The following RNF149 variants were observed in gnomAD, a reference collection of about 807,000 sequenced individuals.
RNF149 encodes E3 ubiquitin-protein ligase RNF149.
A neutral mutation model predicts 39.0 loss-of-function variants in RNF149; 21 were observed. The ratio of observed to expected loss-of-function variants is 0.54; its 90% CI spans 0.38 to 0.77. The LOEUF is 0.77. RNF149 is among the 30% of genes least tolerant of loss of function. RNF149 has a pLI of 0.00. For synonymous variants in RNF149, 209 were observed against 213.6 expected (o/e 0.98, Z 0.19); for missense variants, 493 against 534.9 (o/e 0.92, Z 0.77).
rs1053190151 is a variant in RNF149, at chr2:101,276,698, T to A, written c.*540A>T. On this transcript the variant is annotated 3_prime_UTR_variant, in exon 7 of 7. Transcript: ENST00000295317. ...TAAACAAAGAAAAAGTGCTCTCAGG[T>A]TTTGAAATCTTCACATACACTACAG... 12 of 985,490 alleles carry A rather than the reference T, an allele frequency of 1.2e-5. No homozygotes were observed. Among genetic ancestry groups the A allele is most frequent in the Non-Finnish European group, 1.4e-5 (12 of 829,994 alleles). The allele number at this position is 985,490 out of a possible 1,614,324, so 61.0% of individuals were successfully genotyped here.
At position 101,276,170 on chromosome 2, in the gene RNF149, C is replaced by G; in HGVS notation, c.*1068G>C. The G allele has an allele frequency of 1.0e-6, 1 of 979,194 alleles. No homozygotes were observed. The highest frequency in any genetic ancestry group is 1.2e-6 in the Non-Finnish European group (1 of 824,342). The allele number at this position is 979,194 out of a possible 1,614,324, so 60.7% of individuals were successfully genotyped here. A position where few individuals can be genotyped will look rare whatever the true frequency, so the allele number is the denominator to read the frequency against. ...GGAGCAAGGAAAGACTATAATTCCA[C>G]ACTCTAAAAAATAACTGCCTCATAC... is the stretch of plus-strand genomic sequence containing the variant. On this transcript the variant is annotated 3_prime_UTR_variant, in exon 7 of 7. Transcript: ENST00000295317.
At position 101,294,973 on chromosome 2, in the gene RNF149, A is replaced by G. The variant is rs1392029218; in HGVS notation, c.669T>C (p.Tyr223=). 1 of 1,613,598 alleles carries G rather than the reference A, an allele frequency of 6.2e-7. No individual in the cohort carries two copies. The highest frequency in any genetic ancestry group is 1.3e-5 in the African/African-American group (1 of 74,914). The change falls in exon 2 of 7, where the codon TAT becomes TAC. Residue 223 remains tyrosine, a synonymous_variant. Transcript: ENST00000295317. ...AGCCAGTATATAGGAAACGCTGTAT[A>G]TAGTAAAATATTAGCCAGGCTAACG... is the stretch of plus-strand genomic sequence containing the variant. The part of the protein sequence containing the change: ...IISLAWLIFY[Y]IQRFLYTGSQ...
intron 5 of RNF149, among the ~76,000 whole-genome samples, chr2:101,282,744 G>C (rs1246643237): frequency 6.6e-6 from 1 of 152,042 alleles, no homozygotes; most frequent in Non-Finnish European, 1.5e-5. Flanking sequence ...ATTAGATGAG[G>C]GGTTACTGCA....
chr2:101,275,087 G>A (rs1421214239), downstream of RNF149, among the ~76,000 whole-genome samples: 6 of 143,294 alleles, frequency 4.2e-5, no homozygotes, highest in Admixed American at 2.2e-4. Context: ...GAGCCACCAC[G>A]CCTGGCCCTT....
chr2:101,299,081 C>T, intron 1 of RNF149, among the ~76,000 whole-genome samples: 1 of 152,152 alleles, frequency 6.6e-6, no homozygotes, highest in East Asian at 1.9e-4. Flanking sequence ...TGCTCGAACC[C>T]AGAGTTGGAG....
At chr2:101,307,825 C>A (rs1279167810) in intron 1 of RNF149, 1 of 985,436 alleles carries the variant, frequency 1.0e-6, no homozygotes, top group East Asian at 1.1e-4. Context: ...GATTAGGAAT[C>A]ATGAGATTTC....
chr2:101,291,745 T>C (rs1193792932), intron 3 of RNF149, among the ~76,000 whole-genome samples: 4 of 152,208 alleles, frequency 2.6e-5, no homozygotes, highest in Non-Finnish European at 5.9e-5. Context: ...TTTGCAAGTT[T>C]ATACATTACT....
At chr2:101,287,768 A>G (rs1558783308) in intron 4 of RNF149, among the ~76,000 whole-genome samples, 1 of 152,204 alleles carries the variant, frequency 6.6e-6, no homozygotes, top group Non-Finnish European at 1.5e-5. Flanking sequence ...TTACCCTGAT[A>G]CTCACGCCTT....
chr2:101,275,733 G>GC lies in RNF149; in HGVS notation c.*1504dup, dbSNP rs1682322387. The GC allele has an allele frequency of 1.1e-6, 1 of 944,970 alleles. No individual in the cohort carries two copies. The highest frequency in any genetic ancestry group is 6.2e-5 in the Admixed American group (1 of 16,218). 58.5% of individuals were successfully genotyped at this position (944,970 alleles called of 1,614,324 possible). ...TGGGATTACAGGCGTGAGCCACCGC[G>GC]CCCGGCCCTCCTAGTATTTCTTAAA... On this transcript the variant is annotated 3_prime_UTR_variant, in exon 7 of 7. Transcript: ENST00000295317.
intron 4 of RNF149, 165 bp downstream of exon 4, chr2:101,288,808 G>A (rs1682891904): frequency 1.8e-6 from 1 of 563,426 alleles, no homozygotes; most frequent in African/African-American, 1.9e-5. Flanking sequence ...CAATCTTAAA[G>A]GGCAGGGAAG....
chr2:101,275,439 T>C (rs1394322448), downstream of RNF149, among the ~76,000 whole-genome samples: 3 of 83,428 alleles, frequency 3.6e-5, no homozygotes, highest in Admixed American at 2.6e-4. Flanking sequence ...TTCTTTTTTT[T>C]TTTTTTTTTT....
At chr2:101,289,636 C>T (rs1444176913) in intron 3 of RNF149, among the ~76,000 whole-genome samples, 5 of 145,690 alleles carry the variant, frequency 3.4e-5, no homozygotes, top group East Asian at 2.2e-4. Flanking sequence ...ACCAGGGAGT[C>T]GGAGGTTGCA....
At position 101,276,947 on chromosome 2, in the gene RNF149, A is replaced by G. The variant is rs1350051002; in HGVS notation, c.*291T>C. The G allele has an allele frequency of 1.8e-6, 2 of 1,104,636 alleles. No homozygotes were observed. Among genetic ancestry groups the G allele is most frequent in the Non-Finnish European group, 1.1e-6 (1 of 899,692 alleles). 68.4% of individuals were successfully genotyped at this position (1,104,636 alleles called of 1,614,324 possible). ...CCATAGCAGCCAATTATTTAGAAAC[A>G]CCACCTGTCCTTTATATTAGAGTAC... On this transcript the variant is annotated 3_prime_UTR_variant, in exon 7 of 7. Coordinates refer to ENST00000295317, the MANE Select transcript of RNF149 (RefSeq NM_173647.4).
chr2:101,273,825 T>C (rs1050416728), downstream of RNF149, among the ~76,000 whole-genome samples: 2 of 152,316 alleles, frequency 1.3e-5, no homozygotes, highest in East Asian at 3.9e-4. Context: ...CACTGAAAAC[T>C]TTTTCCTTTC....
chr2:101,299,226 C>CT (rs1318717341), intron 1 of RNF149, among the ~76,000 whole-genome samples: 1 of 152,212 alleles, frequency 6.6e-6, no homozygotes, highest in African/African-American at 2.4e-5. Context: ...AAACCACACT[C>CT]TAACACTATT....
intron 3 of RNF149, among the ~76,000 whole-genome samples, chr2:101,291,104 C>T (rs1233642937): frequency 6.6e-6 from 1 of 152,176 alleles, no homozygotes; most frequent in Non-Finnish European, 1.5e-5. Context: ...TAGCCATGTG[C>T]ACCACCTGTC....
rs1485549228 is a variant in RNF149 at position 101,276,580 on chromosome 2, C to A, written c.*658G>T. On this transcript the variant is annotated 3_prime_UTR_variant, in exon 7 of 7. Coordinates refer to ENST00000295317, the MANE Select transcript of RNF149 (RefSeq NM_173647.4). ...CTTTTTATTTGTAGGAAAAAATAAA[C>A]AGATTTCCCTCCCCAACAAGGCGTC... 8 of 985,568 alleles carry A rather than the reference C, an allele frequency of 8.1e-6. No individual in the cohort carries two copies. Among genetic ancestry groups the A allele is most frequent in the Non-Finnish European group, 9.6e-6 (8 of 829,856 alleles). The allele number at this position is 985,568 out of a possible 1,614,324, so 61.1% of individuals were successfully genotyped here. A position where few individuals can be genotyped will look rare whatever the true frequency, so the allele number is the denominator to read the frequency against.
intron 6 of RNF149, among the ~76,000 whole-genome samples, chr2:101,281,131 A>G (rs115068835): frequency 0.011 from 1,712 of 152,334 alleles, 35 homozygotes; most frequent in African/African-American, 0.04. Flanking sequence ...TAGACAAGGC[A>G]TAAGTATATA....
chr2:101,275,278 C>T (rs150798934), downstream of RNF149, among the ~76,000 whole-genome samples: 1,146 of 150,476 alleles, frequency 7.6e-3, 16 homozygotes, highest in East Asian at 0.075. Flanking sequence ...CCACCACGTC[C>T]GGCTAATTTT....
Sources: allele counts gnomAD v4.1 joint callset (sites outside exome capture counted in the v4.1 genomes callset), GRCh38; gene constraint gnomAD v4.1.1; transcripts MANE v1.5; gene names NCBI Gene and HGNC (gene_info 2026-07-23, HGNC 2026-07-21).